Variants in MPPED2 observed in about 807,000 individuals in gnomAD.
MPPED2 encodes metallophosphoesterase domain containing 2, also known as metallophosphoesterase MPPED2.
MPPED2 carries 5 observed loss-of-function variants against 33.0 expected under a neutral mutation model. The ratio of observed to expected loss-of-function variants is 0.15; its 90% CI spans 0.08 to 0.32. The LOEUF is 0.32. MPPED2 is among the 10% of genes least tolerant of loss of function. The pLI, the probability that MPPED2 is intolerant of heterozygous loss-of-function variation, is 1.00. For synonymous variants in MPPED2, 136 were observed against 141.9 expected, an observed-to-expected ratio of 0.96 and a Z score of 0.29; for missense variants, 275 against 372.1, an observed-to-expected ratio of 0.74 and a Z score of 2.15.
intron 4 of MPPED2, among the ~76,000 whole-genome samples, chr11:30,433,655 C>A (rs932550996): frequency 6.6e-6 from 1 of 152,132 alleles, no homozygotes; most frequent in South Asian, 2.1e-4. Context: ...ATTGGTCCCT[C>A]GCTATCATGT....
chr11:30,585,144 T>A (rs1957399997), intron 1 of MPPED2, among the ~76,000 whole-genome samples: 1 of 152,156 alleles, frequency 6.6e-6, no homozygotes, highest in Admixed American at 6.5e-5. Flanking sequence ...ATTCAAAGGC[T>A]TTACAAAGAT....
chr11:30,578,448 G>A (rs796738219), intron 2 of MPPED2, among the ~76,000 whole-genome samples: 4 of 152,110 alleles, frequency 2.6e-5, no homozygotes, highest in African/African-American at 4.8e-5. Flanking sequence ...TTCAAAAGAG[G>A]TATAATTTGA....
At chr11:30,486,625 T>C (rs1231396894) in intron 4 of MPPED2, among the ~76,000 whole-genome samples, 1 of 152,134 alleles carries the variant, frequency 6.6e-6, no homozygotes, top group African/African-American at 2.4e-5. Flanking sequence ...CCAAAAAGCC[T>C]AAAATTGCTG....
intron 4 of MPPED2, among the ~76,000 whole-genome samples, chr11:30,439,482 C>T (rs1281020357): frequency 6.6e-6 from 1 of 152,102 alleles, no homozygotes; most frequent in Non-Finnish European, 1.5e-5. Context: ...TCTGAAGGTT[C>T]GGGCACATTT....
intron 4 of MPPED2, among the ~76,000 whole-genome samples, chr11:30,485,413 T>C (rs1297604039): frequency 1.2e-5 from 1 of 82,086 alleles, no homozygotes; most frequent in Admixed American, 1.0e-4. Flanking sequence ...GCATAACATG[T>C]GTAACAAGGT....
intron 3 of MPPED2, among the ~76,000 whole-genome samples, chr11:30,532,208 C>G (rs1018311409): frequency 6.6e-6 from 1 of 152,212 alleles, no homozygotes; most frequent in African/African-American, 2.4e-5. Context: ...CTGCCCCATC[C>G]AAATTCTATC....
At chr11:30,440,412 G>A (rs1554967595) in intron 4 of MPPED2, among the ~76,000 whole-genome samples, 1 of 152,084 alleles carries the variant, frequency 6.6e-6, no homozygotes, top group Non-Finnish European at 1.5e-5. Context: ...ACACCGCAAT[G>A]GCAGAGGTGA....
At chr11:30,581,084 A>T (rs545285812) in intron 1 of MPPED2, among the ~76,000 whole-genome samples, 4 of 152,318 alleles carry the variant, frequency 2.6e-5, no homozygotes, top group Middle Eastern at 3.4e-3. Context: ...GGCATTCCTC[A>T]CTGGCCCAGA....
At chr11:30,557,497 T>C (rs1002598674) in intron 2 of MPPED2, among the ~76,000 whole-genome samples, 7 of 152,190 alleles carry the variant, frequency 4.6e-5, no homozygotes, top group Non-Finnish European at 7.3e-5. Flanking sequence ...TAAACAGAGC[T>C]ATAATTCATG....
At chr11:30,442,777 A>G (rs1949635294) in intron 4 of MPPED2, among the ~76,000 whole-genome samples, 1 of 152,200 alleles carries the variant, frequency 6.6e-6, no homozygotes, top group Admixed American at 6.5e-5. Context: ...TGGGAGGCTG[A>G]AGGAGGAGGA....
intron 4 of MPPED2, among the ~76,000 whole-genome samples, chr11:30,448,156 G>A (rs1949896336): frequency 6.6e-6 from 1 of 152,124 alleles, no homozygotes; most frequent in Non-Finnish European, 1.5e-5. Flanking sequence ...AATCACAAGG[G>A]CATCATTTTC....
At chr11:30,546,588 T>C (rs1955437681) in intron 2 of MPPED2, among the ~76,000 whole-genome samples, 1 of 152,222 alleles carries the variant, frequency 6.6e-6, no homozygotes, top group African/African-American at 2.4e-5. Context: ...GGTGACTTCA[T>C]ATTTGCATGG....
intron 1 of MPPED2, chr11:30,584,860 C>T (rs1399010983): frequency 2.0e-5 from 3 of 152,300 alleles, no homozygotes; most frequent in East Asian, 3.9e-4. Flanking sequence ...GGATCTCCCC[C>T]TCTTCTGACA....
intron 3 of MPPED2, among the ~76,000 whole-genome samples, chr11:30,534,431 T>C (rs1189553187): frequency 6.6e-6 from 1 of 152,180 alleles, no homozygotes; most frequent in Non-Finnish European, 1.5e-5. Context: ...ACTATGAAAC[T>C]GAAAAAATCA....
At chr11:30,520,128 T>A (rs1173412511) in intron 3 of MPPED2, among the ~76,000 whole-genome samples, 1 of 152,134 alleles carries the variant, frequency 6.6e-6, no homozygotes, top group East Asian at 1.9e-4. Flanking sequence ...GACAACACAG[T>A]TTAATTGTAC....
intron 4 of MPPED2, 81 bp downstream of exon 4, chr11:30,495,215 T>C: frequency 1.0e-6 from 1 of 955,808 alleles, no homozygotes; most frequent in Non-Finnish European, 1.7e-6. Context: ...TCATTTTCAT[T>C]TAAAGCATCT....
chr11:30,447,101 G>T (rs1353964495), intron 4 of MPPED2, among the ~76,000 whole-genome samples: 2 of 152,194 alleles, frequency 1.3e-5, no homozygotes, highest in Non-Finnish European at 2.9e-5. Context: ...ATAAACGAGA[G>T]ATCATTCAGG....
At chr11:30,524,884 CA>C (rs1315933596) in intron 3 of MPPED2, among the ~76,000 whole-genome samples, 2 of 152,226 alleles carry the variant, frequency 1.3e-5, no homozygotes, top group Middle Eastern at 6.8e-3. Context: ...CCATCTATGT[CA>C]AAATATCTGG....
At chr11:30,466,059 A>G (rs552244839) in intron 4 of MPPED2, among the ~76,000 whole-genome samples, 15 of 152,186 alleles carry the variant, frequency 9.9e-5, no homozygotes, top group African/African-American at 2.6e-4. Context: ...TTTTCTTTTC[A>G]GTTGGCCTGT....
Sources: allele counts gnomAD v4.1 joint callset (sites outside exome capture counted in the v4.1 genomes callset), GRCh38; gene constraint gnomAD v4.1.1; transcripts MANE v1.5; gene names NCBI Gene and HGNC (gene_info 2026-07-23, HGNC 2026-07-21).